The following DYNC2H1 variants were observed in gnomAD, a reference collection of about 807,000 sequenced individuals.
DYNC2H1 encodes dynein cytoplasmic 2 heavy chain 1, also known as cytoplasmic dynein 2 heavy chain 1.
A neutral mutation model predicts 570.0 loss-of-function variants in DYNC2H1; 410 were observed. The observed-to-expected ratio is 0.72, with a 90% CI of 0.66 to 0.78. DYNC2H1 has a LOEUF of 0.78. Among genes scored for constraint, DYNC2H1 ranks in the 30% least tolerant of loss-of-function variants. DYNC2H1 has a pLI of 0.00. For missense variants in DYNC2H1, 4,865 were observed against 5,046.4 expected (o/e 0.96, Z 1.09); for synonymous variants, 1,688 against 1,677.6 (o/e 1.01, Z -0.15).
At chr11:103,262,408 C>T (rs533920020) in intron 70 of DYNC2H1, among the ~76,000 whole-genome samples, 12 of 152,086 alleles carry the variant, frequency 7.9e-5, no homozygotes, top group Non-Finnish European at 1.6e-4. Flanking sequence ...ATCAGATTCA[C>T]CAAGGTTGAA....
intron 84 of DYNC2H1, among the ~76,000 whole-genome samples, chr11:103,426,581 T>C (rs951916017): frequency 6.6e-6 from 1 of 152,226 alleles, no homozygotes; most frequent in Non-Finnish European, 1.5e-5. Context: ...TCCATTTAAT[T>C]TACTGAACAT....
intron 70 of DYNC2H1, among the ~76,000 whole-genome samples, chr11:103,269,136 A>C (rs963937124): frequency 6.6e-6 from 1 of 152,194 alleles, no homozygotes; most frequent in Non-Finnish European, 1.5e-5. Flanking sequence ...ACTTTGAATA[A>C]TACTTTTCTA....
intron 87 of DYNC2H1, among the ~76,000 whole-genome samples, chr11:103,467,048 A>G (rs573048934): frequency 6.6e-6 from 1 of 152,296 alleles, no homozygotes; most frequent in African/African-American, 2.4e-5. Context: ...TGGAAATGAA[A>G]GAACAAAATG....
chr11:103,385,767 A>ATTACATTTCT (rs1411152223), intron 83 of DYNC2H1, among the ~76,000 whole-genome samples: 1 of 152,190 alleles, frequency 6.6e-6, no homozygotes, highest in Non-Finnish European at 1.5e-5. Context: ...ATTCAGTCAC[A>ATTACATTTCT]TTACATTTCC....
Position 103,417,268 on chromosome 11 carries a change from CGGGGTTTCACCATGTTGGTCAGG to C in DYNC2H1, c.12366+17420_12366+17442del, listed in dbSNP as rs1447795235. Among the ~76,000 whole-genome samples the C allele has an allele frequency of 3.9e-3, 587 of 152,012 alleles. 5 individuals are homozygous for C. Among genetic ancestry groups the C allele is most frequent in the African/African-American group, 0.013 (550 of 41,454 alleles). On this transcript the variant is annotated intron_variant, in intron 84 of 88. Coordinates refer to ENST00000375735, the MANE Select transcript of DYNC2H1 (RefSeq NM_001377.3). ...CTAATTTTTATATTTTTAGTTGAGA[CGGGGTTTCACCATGTTGGTCAGG>C]GGGGTTTCACCATGTTGGTCAGGAT... is the stretch of plus-strand genomic sequence containing the variant.
In DYNC2H1 at chr11:103,323,893, G is replaced by A. The variant is rs755554260; in HGVS notation, c.11942G>A (p.Arg3981His). The change falls in exon 82 of 89, where the codon CGT becomes CAT. Residue 3981 changes from arginine (R) to histidine (H), a missense_variant. Transcript: ENST00000375735. ...LPQSCSILDY[R>H]AVIEKIPEDD... ...TCACTTCTTTATATTTAGGACTATC[G>A]TGCTGTCATTGAGAAAATTCCAGAG... 2.0e-5 allele frequency: 32 copies of A among 1,610,916 alleles called. No individual in the cohort carries two copies. In the Middle Eastern group the frequency reaches 6.6e-4, roughly 33 times the overall value.
intron 83 of DYNC2H1, among the ~76,000 whole-genome samples, chr11:103,393,091 C>A (rs1046588827): frequency 9.2e-5 from 14 of 152,114 alleles, no homozygotes; most frequent in Admixed American, 4.6e-4. Context: ...ACCATGTTGG[C>A]CAGGCTGCTC....
intron 20 of DYNC2H1, among the ~76,000 whole-genome samples, chr11:103,148,997 C>T (rs1003052519): frequency 6.6e-6 from 1 of 152,108 alleles, no homozygotes; most frequent in Non-Finnish European, 1.5e-5. Flanking sequence ...GCAAAGGTTG[C>T]AGTGAGCCAA....
At chr11:103,276,719 A>T (rs1387010777) in intron 70 of DYNC2H1, among the ~76,000 whole-genome samples, 1 of 152,034 alleles carries the variant, frequency 6.6e-6, no homozygotes, top group Non-Finnish European at 1.5e-5. Flanking sequence ...ATTATGCTGT[A>T]TATATTTTGT....
chr11:103,328,166 TGAAAC>T (rs1348637587), intron 82 of DYNC2H1, among the ~76,000 whole-genome samples: 1 of 152,234 alleles, frequency 6.6e-6, no homozygotes, highest in African/African-American at 2.4e-5. Context: ...ACTTTTGGGA[TGAAAC>T]GAAGATAAAA....
intron 83 of DYNC2H1, among the ~76,000 whole-genome samples, chr11:103,372,342 A>G (rs1400118311): frequency 6.6e-6 from 1 of 152,060 alleles, no homozygotes; most frequent in East Asian, 1.9e-4. Flanking sequence ...TGATCTTAAC[A>G]TTCAGTATGA....
At chr11:103,135,435 A>G in intron 15 of DYNC2H1, 60 bp from the exon 16 acceptor site, 1 of 1,367,070 alleles carries the variant, frequency 7.3e-7, no homozygotes, top group South Asian at 2.1e-5. Context: ...GAAAGTATTA[A>G]ATGAAAAATC....
intron 75 of DYNC2H1, among the ~76,000 whole-genome samples, chr11:103,297,574 A>G (rs1302457126): frequency 6.6e-6 from 1 of 152,118 alleles, no homozygotes; most frequent in Non-Finnish European, 1.5e-5. Context: ...ACTGAATGCT[A>G]TAGGCAATTG....
intron 83 of DYNC2H1, among the ~76,000 whole-genome samples, chr11:103,389,808 T>G (rs1177475698): frequency 6.6e-6 from 1 of 152,150 alleles, no homozygotes; most frequent in Non-Finnish European, 1.5e-5. Flanking sequence ...TGAGTGGTTT[T>G]GAGTGAGTTT....
chr11:103,462,387 C>CACGTGT (rs1945046946), intron 87 of DYNC2H1, among the ~76,000 whole-genome samples: 1 of 141,530 alleles, frequency 7.1e-6, no homozygotes, highest in Non-Finnish European at 1.6e-5. Context: ...ATAAGGCACA[C>CACGTGT]ACGTGTTGTT....
In DYNC2H1 at chr11:103,189,232, C is replaced by T. The variant is rs1862199387; in HGVS notation, c.7293-440C>T. ...AAACTTTTTTTTTTCTAGAAATATT[C>T]CTGCTGCCAGTTAAACCATATTGAA... On this transcript the variant is annotated intron_variant, in intron 44 of 88. Coordinates refer to ENST00000375735, the MANE Select transcript of DYNC2H1 (RefSeq NM_001377.3). The surrounding 1 kb of genome is among the most constrained non-coding windows in gnomAD (Gnocchi z 4.3). 6.6e-6 allele frequency among the ~76,000 whole-genome samples: 1 copy of T among 151,354 alleles called. No individual in the cohort carries two copies. The highest frequency in any genetic ancestry group is 6.6e-5 in the Admixed American group (1 of 15,180).
intron 20 of DYNC2H1, among the ~76,000 whole-genome samples, chr11:103,149,072 GTAAA>G (rs1247149502): frequency 1.3e-5 from 2 of 151,896 alleles, no homozygotes; most frequent in Admixed American, 6.6e-5. Flanking sequence ...AAATAAATAA[GTAAA>G]TAAATAAATA....
Position 103,177,690 on chromosome 11 carries a change from G to C in DYNC2H1, c.6009G>C (p.Val2003=). The stretch of plus-strand genomic sequence containing the variant: ...CGCTTTGTAAAACTGGCAAAGTAGT[G>C]AAACAATATACTATGAATCCCAAAG... The part of the protein sequence containing the change: ...RAALCKTGKV[V]KQYTMNPKAM... The change falls in exon 38 of 89, where the codon GTG becomes GTC. Residue 2003 remains valine, a synonymous_variant. Transcript: ENST00000375735. This position sits in a 1 kb window ranked among gnomAD's most constrained non-coding sequence, Gnocchi z 4.4. 6.2e-7 allele frequency: 1 copy of C among 1,613,406 alleles called. No homozygotes were observed. Among genetic ancestry groups the C allele is most frequent in the Non-Finnish European group, 8.5e-7 (1 of 1,179,672 alleles).
At position 103,120,526 on chromosome 11, in the gene DYNC2H1, G is replaced by T. The variant is rs750135569; in HGVS notation, c.1079G>T (p.Arg360Leu). 3.7e-6 allele frequency: 6 copies of T among 1,612,820 alleles called. No homozygotes were observed. The highest frequency in any genetic ancestry group is 5.1e-6 in the Non-Finnish European group (6 of 1,179,394). The change falls in exon 7 of 89, where the codon CGA becomes CTA. Residue 360 changes from arginine to leucine, a missense_variant. Around this residue, in one of 5 missense-constraint regions of DYNC2H1, gnomAD observed 1,936 missense variants for 1,962.1 expected, o/e 0.99. Transcript: ENST00000375735. Reference protein sequence around the residue: ...ASEEKIICLTRVFEPFTGLNP... With the variant: ...ASEEKIICLTLVFEPFTGLNP... The stretch of plus-strand genomic sequence containing the variant: ...GAAGAGAAAATCATATGCCTCACTC[G>T]AGTATTTGAACCTTTTACTGGCCTG...
Sources: gnomAD v4.1 joint callset for allele counts (sites outside exome capture counted in the v4.1 genomes callset) on GRCh38, gnomAD v4.1.1 for gene constraint, gnomAD v4.1.1 regional missense constraint, Gnocchi (gnomAD v3.1) non-coding constraint, MANE v1.5 for transcripts, NCBI Gene and HGNC (gene_info 2026-07-23, HGNC 2026-07-21) for gene names.